SUGCT: variants seen among roughly 807,000 people sequenced by gnomAD.
SUGCT encodes the protein succinyl-CoA:glutarate-CoA transferase.
Under a neutral mutation model 55.0 loss-of-function variants are expected in SUGCT, and 41 were observed. That is an observed-to-expected ratio of 0.74 (90% confidence interval 0.58 to 0.97). SUGCT has a LOEUF of 0.97. SUGCT is among the 50% of genes least tolerant of loss of function. SUGCT has a pLI of 0.00. For synonymous variants in SUGCT, 187 were observed against 200.4 expected (o/e 0.93, Z 0.56); for missense variants, 568 against 547.8 (o/e 1.04, Z -0.37).
At chr7:40,235,790 T>C (rs1788978155) in intron 6 of SUGCT, among the ~76,000 whole-genome samples, 1 of 152,222 alleles carries the variant, frequency 6.6e-6, no homozygotes, top group Admixed American at 6.5e-5. Context: ...TAACAAATAA[T>C]GGTATTGTGT....
chr7:40,477,845 T>C, intron 11 of SUGCT, among the ~76,000 whole-genome samples: 1 of 152,188 alleles, frequency 6.6e-6, no homozygotes, highest in Non-Finnish European at 1.5e-5. Flanking sequence ...ATTTAGGTTA[T>C]GTTTGATATG....
chr7:40,478,402 C>A (rs962033400), intron 11 of SUGCT, among the ~76,000 whole-genome samples: 1 of 152,036 alleles, frequency 6.6e-6, no homozygotes, highest in Non-Finnish European at 1.5e-5. Context: ...ACGAAACTTG[C>A]GCGAGGTAGG....
At chr7:40,384,288 A>T (rs1372139681) in intron 9 of SUGCT, among the ~76,000 whole-genome samples, 1 of 152,144 alleles carries the variant, frequency 6.6e-6, no homozygotes, top group Non-Finnish European at 1.5e-5. Context: ...AAATATGTGT[A>T]CATCAGGGAG....
At chr7:40,836,029 AC>A (rs2128783257) in intron 13 of SUGCT, among the ~76,000 whole-genome samples, 1 of 151,142 alleles carries the variant, frequency 6.6e-6, no homozygotes, top group South Asian at 2.1e-4. Context: ...AGTAGCTGGG[AC>A]TACAGGTTTA....
chr7:40,492,825 C>G (rs549215263), intron 11 of SUGCT, among the ~76,000 whole-genome samples: 1 of 152,258 alleles, frequency 6.6e-6, no homozygotes, highest in Non-Finnish European at 1.5e-5. Context: ...GTTTCAGCAT[C>G]CTGCATTGTA....
chr7:40,959,061 A>T, the SUGCT span, among the ~76,000 whole-genome samples: 18 of 152,120 alleles, frequency 1.2e-4, no homozygotes, highest in Non-Finnish European at 2.2e-4. Context: ...AGGGGCACCC[A>T]CCAGATGCCA....
At chr7:40,573,587 C>T (rs1796568134) in intron 12 of SUGCT, among the ~76,000 whole-genome samples, 1 of 152,144 alleles carries the variant, frequency 6.6e-6, no homozygotes, top group African/African-American at 2.4e-5. Flanking sequence ...AGTGAGGTTT[C>T]AAAACAGTGA....
chr7:40,954,843 G>A, the SUGCT span, among the ~76,000 whole-genome samples: 2 of 152,128 alleles, frequency 1.3e-5, no homozygotes, highest in Non-Finnish European at 2.9e-5. Context: ...TCCATTTTCA[G>A]TTGTCTACAT....
At chr7:40,650,293 G>T (rs148726504) in intron 12 of SUGCT, among the ~76,000 whole-genome samples, 67 of 152,296 alleles carry the variant, frequency 4.4e-4, no homozygotes, top group African/African-American at 1.5e-3. Context: ...CTATTCATTA[G>T]AAGGGGATAA....
At chr7:40,516,964 A>G (rs1406346713) in intron 12 of SUGCT, among the ~76,000 whole-genome samples, 1 of 151,980 alleles carries the variant, frequency 6.6e-6, no homozygotes, top group African/African-American at 2.4e-5. Context: ...GATGAAGGTG[A>G]TATGTTTTTC....
the SUGCT span, among the ~76,000 whole-genome samples, chr7:40,897,806 A>G: frequency 6.6e-6 from 1 of 152,194 alleles, no homozygotes; most frequent in Non-Finnish European, 1.5e-5. Context: ...CTGTCTAGCT[A>G]AAGGTTTGTA....
intron 12 of SUGCT, among the ~76,000 whole-genome samples, chr7:40,678,147 A>G (rs1784086351): frequency 6.6e-6 from 1 of 152,200 alleles, no homozygotes; most frequent in African/African-American, 2.4e-5. Context: ...GCAGTATTTT[A>G]TTGAAAACAG....
At chr7:40,583,147 T>A (rs1386320849) in intron 12 of SUGCT, among the ~76,000 whole-genome samples, 2 of 152,060 alleles carry the variant, frequency 1.3e-5, no homozygotes, top group Non-Finnish European at 2.9e-5. Flanking sequence ...ACAAATGAAT[T>A]GAATGGGGTG....
Position 40,432,579 on chromosome 7 carries a change from G to A in SUGCT, c.817-16708G>A, listed in dbSNP as rs181571942. 6.1e-3 allele frequency among the ~76,000 whole-genome samples: 927 copies of A among 151,428 alleles called. 42 individuals carry two copies. The highest frequency in any genetic ancestry group is 0.056 in the Admixed American group (848 of 15,184). On this transcript the variant is annotated intron_variant, in intron 9 of 13. Transcript: ENST00000335693. ...TGGGCACCTGTAATCCCAGCTACTC[G>A]GGAGGCTGAGGCAGGAGAATTGCTT...
chr7:40,881,227 C>T, the SUGCT span, among the ~76,000 whole-genome samples: 1 of 152,156 alleles, frequency 6.6e-6, no homozygotes, highest in Non-Finnish European at 1.5e-5. Context: ...AAAGCCTTGG[C>T]TAGTTTGAAA....
chr7:40,387,875 T>C (rs1468043280), intron 9 of SUGCT: 1 of 152,182 alleles, frequency 6.6e-6, no homozygotes, highest in African/African-American at 2.4e-5. Context: ...GTTCCTGAGA[T>C]AGATACTATT....
At chr7:40,722,732 C>T (rs1786409619) in intron 12 of SUGCT, among the ~76,000 whole-genome samples, 1 of 152,110 alleles carries the variant, frequency 6.6e-6, no homozygotes, top group Admixed American at 6.5e-5. Context: ...CTATCTGTTT[C>T]TTCTCTAAGC....
chr7:40,405,858 C>T (rs1373849300), intron 9 of SUGCT, among the ~76,000 whole-genome samples: 1 of 148,392 alleles, frequency 6.7e-6, no homozygotes, highest in Non-Finnish European at 1.5e-5. Flanking sequence ...ATGTTAGTTT[C>T]AATTTATGAA....
chr7:40,553,974 G>A (rs1795434810), intron 12 of SUGCT, among the ~76,000 whole-genome samples: 1 of 152,202 alleles, frequency 6.6e-6, no homozygotes, highest in African/African-American at 2.4e-5. Flanking sequence ...CTCAAACAAG[G>A]ACTGTTAGGA....
Sources: gnomAD v4.1 joint callset for allele counts (sites outside exome capture counted in the v4.1 genomes callset) on GRCh38, gnomAD v4.1.1 for gene constraint, MANE v1.5 for transcripts, NCBI Gene and HGNC (gene_info 2026-07-23, HGNC 2026-07-21) for gene names.